FRMD4A: variants seen among roughly 807,000 people sequenced by gnomAD.
The protein encoded by FRMD4A is FERM domain-containing protein 4A.
A neutral mutation model predicts 129.1 loss-of-function variants in FRMD4A; 29 were observed. That is an observed-to-expected ratio of 0.22 (90% CI 0.17 to 0.31). FRMD4A has a LOEUF of 0.31. Among genes scored for constraint, FRMD4A ranks in the 10% least tolerant of loss-of-function variants. FRMD4A has a pLI of 1.00. For synonymous variants in FRMD4A, 634 were observed against 571.6 expected, an observed-to-expected ratio of 1.11 and a Z score of -1.56; for missense variants, 1,272 against 1,375.8, an observed-to-expected ratio of 0.92 and a Z score of 1.19.
rs1554859027 is a variant in FRMD4A, at chr10:13,714,040, A to ATAT, written c.760-6930_760-6928dup. Among the ~76,000 whole-genome samples, 3 of 37,116 alleles carry ATAT rather than the reference A, an allele frequency of 8.1e-5. 1 individual carries two copies. The highest frequency in any genetic ancestry group is 9.3e-4 in the Admixed American group (2 of 2,150). The allele number at this position is 37,116 out of a possible 152,430, so 24.3% of individuals were successfully genotyped here. On this transcript the variant is annotated intron_variant, in intron 12 of 24. Transcript: ENST00000357447. ...ATATAAAATATACATATATATATAT[A>ATAT]TATATATATATATATATATAAAATA...
rs147294918 is a variant in FRMD4A at position 13,944,398 on chromosome 10, T to A, written c.46-85486A>T. Among the ~76,000 whole-genome samples the A allele has an allele frequency of 2.9e-4, 44 of 152,192 alleles. 1 individual carries two copies. In the East Asian group the frequency reaches 8.3e-3, roughly 29 times the overall value. On this transcript the variant is annotated intron_variant, in intron 2 of 24. Transcript: ENST00000357447. ...CTCCCATCACCCTCAGGTGGGACCATCTAGTAGCAGGAAAACAAATTCAGG... is the reference window on the plus strand; with the variant it reads ...CTCCCATCACCCTCAGGTGGGACCAACTAGTAGCAGGAAAACAAATTCAGG...
intron 2 of FRMD4A, among the ~76,000 whole-genome samples, chr10:14,129,187 T>C (rs1381276383): frequency 6.6e-6 from 1 of 151,728 alleles, no homozygotes; most frequent in African/African-American, 2.4e-5. Context: ...CATTCTGTCT[T>C]TCCCCTCCAC....
chr10:14,253,128 G>C (rs1044788339), intron 2 of FRMD4A, among the ~76,000 whole-genome samples: 1 of 152,250 alleles, frequency 6.6e-6, no homozygotes. Flanking sequence ...AAAAGACACA[G>C]GTATATTTTC....
At chr10:14,186,388 C>T (rs199722431) in intron 2 of FRMD4A, among the ~76,000 whole-genome samples, 1 of 152,186 alleles carries the variant, frequency 6.6e-6, no homozygotes, top group East Asian at 1.9e-4. Flanking sequence ...TAGGTTTCCC[C>T]TTTCCTTCCA....
At chr10:13,967,205 C>A (rs1404771942) in intron 2 of FRMD4A, among the ~76,000 whole-genome samples, 3 of 152,148 alleles carry the variant, frequency 2.0e-5, no homozygotes, top group Non-Finnish European at 4.4e-5. Flanking sequence ...GGCTTGGTGG[C>A]GGGCGCCTGT....
rs142654639 is a variant in FRMD4A, at chr10:13,757,888, C to T, written c.464+3759G>A. On this transcript the variant is annotated intron_variant, in intron 8 of 24. Transcript: ENST00000357447. Reference sequence around the variant, plus strand: ...CCTCCCGAGTATCTGGGATTACAGGCGCACACCACCACACCTGGCTAATTT... The same window carrying T: ...CCTCCCGAGTATCTGGGATTACAGGTGCACACCACCACACCTGGCTAATTT... Among the ~76,000 whole-genome samples, 32 of 152,294 alleles carry T rather than the reference C, an allele frequency of 2.1e-4. No homozygotes were observed. In the East Asian group the frequency reaches 5.2e-3, roughly 25 times the overall value.
At chr10:13,979,519 T>C (rs2095553316) in intron 2 of FRMD4A, among the ~76,000 whole-genome samples, 1 of 152,194 alleles carries the variant, frequency 6.6e-6, no homozygotes, top group Admixed American at 6.5e-5. Flanking sequence ...AGCAAGTCAG[T>C]GTCTCTTTCA....
At chr10:13,669,671 T>C (rs1334846395) in intron 17 of FRMD4A, among the ~76,000 whole-genome samples, 1 of 152,244 alleles carries the variant, frequency 6.6e-6, no homozygotes, top group Non-Finnish European at 1.5e-5. Flanking sequence ...TGGGAAAGCA[T>C]TTCCTGGGCA....
chr10:13,736,733 C>G (rs989405498), intron 12 of FRMD4A, among the ~76,000 whole-genome samples: 4 of 152,192 alleles, frequency 2.6e-5, no homozygotes, highest in Non-Finnish European at 5.9e-5. Context: ...ATTGCTTTCT[C>G]TCTGCTAAAG....
At chr10:13,776,311 A>G (rs989576675) in intron 6 of FRMD4A, among the ~76,000 whole-genome samples, 12 of 152,040 alleles carry the variant, frequency 7.9e-5, no homozygotes, top group Non-Finnish European at 8.8e-5. Flanking sequence ...GGATCTCACT[A>G]GGTTGCCCAG....
chr10:13,914,508 G>A (rs1179081734), intron 2 of FRMD4A, among the ~76,000 whole-genome samples: 1 of 152,008 alleles, frequency 6.6e-6, no homozygotes, highest in African/African-American at 2.4e-5. Flanking sequence ...TGAACCACAG[G>A]CCTTTTATTT....
chr10:14,124,934 G>T (rs1409863808), intron 2 of FRMD4A, among the ~76,000 whole-genome samples: 1 of 152,144 alleles, frequency 6.6e-6, no homozygotes, highest in African/African-American at 2.4e-5. Flanking sequence ...AACTACATAT[G>T]GTTACAGACA....
intron 17 of FRMD4A, chr10:13,667,725 G>C (rs1466010071): frequency 6.6e-6 from 1 of 152,206 alleles, no homozygotes; most frequent in East Asian, 1.9e-4. Flanking sequence ...CTCCGGATCA[G>C]AGCTAGCTCT....
intron 2 of FRMD4A, among the ~76,000 whole-genome samples, chr10:13,902,851 A>C (rs1194488780): frequency 2.0e-5 from 3 of 146,734 alleles, no homozygotes; most frequent in South Asian, 2.2e-4. Context: ...AAAAAAAAAA[A>C]AAAAAACAAC....
chr10:13,676,532 C>T (rs569414806), intron 15 of FRMD4A, among the ~76,000 whole-genome samples: 11 of 152,048 alleles, frequency 7.2e-5, no homozygotes, highest in Middle Eastern at 3.4e-3. Context: ...GCCTCAGCCT[C>T]CCAAAGTGCT....
intron 2 of FRMD4A, among the ~76,000 whole-genome samples, chr10:14,119,296 G>A (rs1049882534): frequency 1.3e-4 from 20 of 152,122 alleles, no homozygotes; most frequent in Admixed American, 6.6e-5. Context: ...CAAAGTGAGC[G>A]GTTCATATGC....
Position 13,657,397 on chromosome 10 carries a change from T to C in FRMD4A, c.2192A>G (p.Tyr731Cys), listed in dbSNP as rs541704305. 1.2e-6 allele frequency: 2 copies of C among 1,612,920 alleles called. No homozygotes were observed. Among genetic ancestry groups the C allele is most frequent in the South Asian group, 1.1e-5 (1 of 91,058 alleles). ...GTTGCTGCTACGAGTCCGCGGGGTG[T>C]AGAAGTCGGGGCTCCCGGTGTCGTT... Reference protein sequence around the residue: ...SENDTGSPDFYTPRTRSSNGS... With the variant: ...SENDTGSPDFCTPRTRSSNGS... The change falls in exon 22 of 25, where the codon TAC (tyrosine) becomes TGC (cysteine). Residue 731 changes from tyrosine (Y) to cysteine (C), a missense_variant. By Grantham distance (194) the Tyr-to-Cys change is radical. Around this residue, in one of 2 missense-constraint regions of FRMD4A, gnomAD observed 972 missense variants for 892.3 expected, o/e 1.09. Coordinates refer to ENST00000357447, the MANE Select transcript of FRMD4A (RefSeq NM_018027.5).
At chr10:13,802,639 T>G (rs1188745381) in intron 4 of FRMD4A, among the ~76,000 whole-genome samples, 1 of 152,078 alleles carries the variant, frequency 6.6e-6, no homozygotes, top group Admixed American at 6.6e-5. Context: ...AGGTTTTTTT[T>G]GTTTTTGTTT....
intron 2 of FRMD4A, among the ~76,000 whole-genome samples, chr10:14,131,477 G>A (rs542050952): frequency 4.6e-5 from 7 of 150,754 alleles, no homozygotes; most frequent in South Asian, 4.2e-4. Context: ...GTCCAGTTAC[G>A]TGTGACTGTT....
Sources: gnomAD v4.1 joint callset for allele counts (sites outside exome capture counted in the v4.1 genomes callset) on GRCh38, gnomAD v4.1.1 for gene constraint, gnomAD v4.1.1 regional missense constraint, MANE v1.5 for transcripts, NCBI Gene and HGNC (gene_info 2026-07-23, HGNC 2026-07-21) for gene names.